RAI1: variants seen among roughly 807,000 people sequenced by gnomAD.
RAI1 encodes retinoic acid-induced protein 1.
A neutral mutation model predicts 123.8 loss-of-function variants in RAI1; 9 were observed. That is an observed-to-expected ratio of 0.07 (90% confidence interval 0.04 to 0.13). The LOEUF (loss-of-function observed/expected upper bound fraction) is 0.13, where lower values mean the gene tolerates loss of function less well. Among genes scored for constraint, RAI1 ranks in the 10% least tolerant of loss-of-function variants. The pLI is 1.00. For synonymous variants in RAI1, 1,231 were observed against 1,127.3 expected (o/e 1.09, Z -1.84); for missense variants, 2,256 against 2,545.8 (o/e 0.89, Z 2.45).
intron 2 of RAI1, among the ~76,000 whole-genome samples, chr17:17,775,931 G>T (rs74732163): frequency 1.3e-5 from 2 of 152,348 alleles, no homozygotes; most frequent in South Asian, 2.1e-4. Flanking sequence ...GTCATACCTG[G>T]CCCTGGCAGC....
intron 1 of RAI1, among the ~76,000 whole-genome samples, chr17:17,689,843 C>A (rs1472175500): frequency 6.6e-6 from 1 of 152,150 alleles, no homozygotes; most frequent in Non-Finnish European, 1.5e-5. Flanking sequence ...TTTATTTCTG[C>A]CCTGAAGGAT....
rs747605976 is a variant in RAI1 at position 17,797,322 on chromosome 17, C to T, written c.4374C>T (p.Leu1458=). The T allele has an allele frequency of 1.2e-6, 2 of 1,612,326 alleles. No individual in the cohort carries two copies. The highest frequency in any genetic ancestry group is 3.3e-5 in the Admixed American group (2 of 59,948). Residue 1458 remains leucine (L), a synonymous_variant, in exon 3 of 6, where the codon CTC becomes CTT. Transcript: ENST00000353383. ...SRKGRAGAHG[L]SKGPLEKRPY... is the part of the protein sequence containing the mutation. ...AAGGCCGGGCAGGGGCCCATGGACT[C>T]TCCAAAGGCCCGCTGGAGAAGCGGC...
chr17:17,793,105 C>A lies in RAI1; in HGVS notation c.157C>A (p.Pro53Thr). 6.2e-7 allele frequency: 1 copy of A among 1,614,120 alleles called. No individual in the cohort carries two copies. The highest frequency in any genetic ancestry group is 8.5e-7 in the Non-Finnish European group (1 of 1,180,030). Reference sequence around the variant, plus strand: ...GCTGCTCGCCAAGGACTATTATAACCCGCAGCCTTACCCGAGCTATGAGGG... The same window carrying A: ...GCTGCTCGCCAAGGACTATTATAACACGCAGCCTTACCCGAGCTATGAGGG... Reference protein sequence around the residue: ...QRLLAKDYYNPQPYPSYEGGA... With the variant: ...QRLLAKDYYNTQPYPSYEGGA... The change falls in exon 3 of 6, where the codon CCG becomes ACG. Residue 53 changes from proline (P) to threonine (T), a missense_variant. Pro to Thr is a conservative substitution (Grantham distance 38, BLOSUM62 -1). Around this residue, in one of 7 missense-constraint regions of RAI1, gnomAD observed 336 missense variants for 349.8 expected, o/e 0.96. Coordinates refer to ENST00000353383, the MANE Select transcript of RAI1 (RefSeq NM_030665.4).
Position 17,768,244 on chromosome 17 carries a change from GTGCAGC to G in RAI1, c.-16-24685_-16-24680del, listed in dbSNP as rs150199949. Among the ~76,000 whole-genome samples the G allele has an allele frequency of 4.2e-3, 640 of 152,258 alleles. 6 individuals are homozygous for G. The highest frequency in any genetic ancestry group is 0.015 in the African/African-American group (603 of 41,552). ...GGACTATCTTTGTGGCCCTTAACTT[GTGCAGC>G]TGCCCAGGGCTGGCGCTCAGAAATG... On this transcript the variant is annotated intron_variant, in intron 2 of 5. Transcript: ENST00000353383.
At chr17:17,789,228 G>C (rs1299826972) in intron 2 of RAI1, among the ~76,000 whole-genome samples, 1 of 152,244 alleles carries the variant, frequency 6.6e-6, no homozygotes, top group African/African-American at 2.4e-5. Flanking sequence ...TCCTGCATAG[G>C]AGCTTCCCTG....
At chr17:17,712,114 C>A (rs1166774334) in intron 1 of RAI1, among the ~76,000 whole-genome samples, 1 of 152,218 alleles carries the variant, frequency 6.6e-6, no homozygotes, top group Non-Finnish European at 1.5e-5. Context: ...CGCTGTGGGG[C>A]GCTTGGGTTT....
chr17:17,689,617 A>G (rs1914769368), intron 1 of RAI1, among the ~76,000 whole-genome samples: 3 of 152,248 alleles, frequency 2.0e-5, no homozygotes, highest in Admixed American at 1.3e-4. Flanking sequence ...CTAATGTAGC[A>G]TAGTGGGTAT....
chr17:17,778,734 A>C (rs2031445743), intron 2 of RAI1: 1 of 456,612 alleles, frequency 2.2e-6, no homozygotes. Flanking sequence ...GCGATTCTCC[A>C]TGCTGGAGAG....
intron 4 of RAI1, among the ~76,000 whole-genome samples, chr17:17,804,612 T>A (rs974434181): frequency 6.8e-6 from 1 of 147,430 alleles, no homozygotes; most frequent in Non-Finnish European, 1.5e-5. Flanking sequence ...TTGGGAGATA[T>A]GGGGCCAACT....
rs971135489 is a variant in RAI1 at position 17,722,268 on chromosome 17, G to GATGAATGA, written c.-148-1748_-148-1741dup. Among the ~76,000 whole-genome samples the GATGAATGA allele has an allele frequency of 3.9e-5, 6 of 152,280 alleles. No individual in the cohort carries two copies. The South Asian group carries it at 6.2e-4, about 16-fold the overall frequency. The stretch of plus-strand genomic sequence containing the variant: ...GGGTGGATGCAGCGACGGATGGATG[G>GATGAATGA]ATGAATGAATGAATGAATGCATGCG... On this transcript the variant is annotated intron_variant, in intron 1 of 5. Transcript: ENST00000353383.
intron 2 of RAI1, among the ~76,000 whole-genome samples, chr17:17,763,963 G>C (rs1036576330): frequency 5.3e-5 from 8 of 152,272 alleles, no homozygotes; most frequent in African/African-American, 1.9e-4. Context: ...CAGAGGGAGA[G>C]AGACAGGTGT....
Position 17,793,849 on chromosome 17 carries a change from G to A in RAI1, c.901G>A (p.Glu301Lys). The change falls in exon 3 of 6, where the codon GAA (glutamate) becomes AAA (lysine). Residue 301 changes from glutamate to lysine, a missense_variant. Physicochemically the swap from Glu to Lys is moderately conservative, Grantham distance 56. This residue lies in a region of RAI1 where 357 missense variants were observed against 480.2 expected (regional missense o/e 0.74). Coordinates refer to ENST00000353383, the MANE Select transcript of RAI1 (RefSeq NM_030665.4). ...QALQSRHHAQ[E>K]TLHYQNLAKY... ...CCTTCAGAGCCGGCACCATGCCCAGGAAACCCTCCATTACCAAAACCTCGC... is the reference window on the plus strand; with the variant it reads ...CCTTCAGAGCCGGCACCATGCCCAGAAAACCCTCCATTACCAAAACCTCGC... 6.2e-7 allele frequency: 1 copy of A among 1,613,270 alleles called. No individual in the cohort carries two copies. The highest frequency in any genetic ancestry group is 1.3e-5 in the African/African-American group (1 of 74,984).
intron 1 of RAI1, among the ~76,000 whole-genome samples, chr17:17,686,423 G>A (rs1355840362): frequency 1.3e-5 from 2 of 152,078 alleles, no homozygotes; most frequent in Non-Finnish European, 2.9e-5. Flanking sequence ...AGGCAGAGCT[G>A]TGCCCTGTTC....
In RAI1 at chr17:17,726,822, G is replaced by C. The variant is rs185277771; in HGVS notation, c.-17+2663G>C. On this transcript the variant is annotated intron_variant, in intron 2 of 5. Transcript: ENST00000353383. Reference sequence around the variant, plus strand: ...AGTTCTTCCCAGTCCTTTTCGACTCGGTGGTTGGTTTGTTTTTTAAAGACT... The same window carrying C: ...AGTTCTTCCCAGTCCTTTTCGACTCCGTGGTTGGTTTGTTTTTTAAAGACT... Among the ~76,000 whole-genome samples, 5 of 152,230 alleles carry C rather than the reference G, an allele frequency of 3.3e-5. No homozygotes were observed. The East Asian group carries it at 9.6e-4, about 29-fold the overall frequency.
In RAI1 at chr17:17,793,628, A is replaced by G. The variant is rs1030001131; in HGVS notation, c.680A>G (p.Gln227Arg). The part of the protein sequence containing the change: ...PTSSTYSSSV[Q>R]GGGQGAHSYK... ...TCCTCCACCTACTCCTCCTCTGTCC[A>G]GGGTGGTGGGCAGGGGGCCCACTCC... Residue 227 changes from glutamine (Q) to arginine (R), a missense_variant, in exon 3 of 6, where the codon CAG becomes CGG. Transcript: ENST00000353383. 1 of 1,613,272 alleles carries G rather than the reference A, an allele frequency of 6.2e-7. No homozygotes were observed. Among genetic ancestry groups the G allele is most frequent in the Non-Finnish European group, 8.5e-7 (1 of 1,179,962 alleles).
Position 17,796,434 on chromosome 17 carries a change from G to C in RAI1, c.3486G>C (p.Arg1162Ser), listed in dbSNP as rs187892007. The change falls in exon 3 of 6, where the codon AGG (arginine) becomes AGC (serine). Residue 1162 changes from arginine (R) to serine (S), a missense_variant. Arg to Ser is a moderately radical substitution (Grantham distance 110). Coordinates refer to ENST00000353383, the MANE Select transcript of RAI1 (RefSeq NM_030665.4). This position sits in a 1 kb window ranked among gnomAD's most constrained non-coding sequence, Gnocchi z 5.8. Reference sequence around the variant, plus strand: ...AGATCTTCCACTCCAAGCGGCGGAGGCCCTCTGAGGGCCGGCTCCCCAACT... The same window carrying C: ...AGATCTTCCACTCCAAGCGGCGGAGCCCCTCTGAGGGCCGGCTCCCCAACT... The part of the protein sequence containing the change: ...TQEIFHSKRR[R>S]PSEGRLPNCR... The C allele has an allele frequency of 6.2e-7, 1 of 1,613,192 alleles. No individual in the cohort carries two copies. The highest frequency in any genetic ancestry group is 1.1e-5 in the South Asian group (1 of 91,080).
chr17:17,753,343 C>T (rs1882447026), intron 2 of RAI1, among the ~76,000 whole-genome samples: 3 of 152,210 alleles, frequency 2.0e-5, no homozygotes, highest in Non-Finnish European at 4.4e-5. Context: ...CCTGGCTTGA[C>T]AGGGTTGGAG....
rs144448192 is a variant in RAI1, at chr17:17,754,764, G to T, written c.-17+30605G>T. ...GCAGTGGTTGGGGGGCTGCCACCAG[G>T]CCTCAACTTGGGTTAGGAAGATAGG... is the stretch of plus-strand genomic sequence containing the variant. On this transcript the variant is annotated intron_variant, in intron 2 of 5. Transcript: ENST00000353383. 1.6e-3 allele frequency among the ~76,000 whole-genome samples: 241 copies of T among 152,364 alleles called. 1 individual carries two copies. The highest frequency in any genetic ancestry group is 5.6e-3 in the African/African-American group (233 of 41,592).
intron 1 of RAI1, among the ~76,000 whole-genome samples, chr17:17,693,444 AGGC>A (rs1914907043): frequency 6.6e-6 from 1 of 152,210 alleles, no homozygotes; most frequent in Admixed American, 6.5e-5. Context: ...CCCGTGCCCC[AGGC>A]ATCTTTCTTG....
Sources: gnomAD v4.1 joint callset for allele counts (sites outside exome capture counted in the v4.1 genomes callset) on GRCh38, gnomAD v4.1.1 for gene constraint, gnomAD v4.1.1 regional missense constraint, Gnocchi (gnomAD v3.1) non-coding constraint, MANE v1.5 for transcripts, NCBI Gene and HGNC (gene_info 2026-07-23, HGNC 2026-07-21) for gene names.